Variants in DPF3 observed in about 807,000 individuals in gnomAD.
DPF3 encodes the protein zinc finger protein DPF3.
A neutral mutation model predicts 56.8 loss-of-function variants in DPF3; 18 were observed. The observed-to-expected ratio is 0.32, with a 90% confidence interval of 0.22 to 0.47. The LOEUF (loss-of-function observed/expected upper bound fraction) is 0.47. DPF3 is among the 20% of genes least tolerant of loss of function. The probability of loss-of-function intolerance (pLI) is 1.00; values close to 1 mark genes in which losing one functional copy is unlikely to be tolerated. For missense variants in DPF3, 403 were observed against 488.8 expected (o/e 0.82, Z 1.65); for synonymous variants, 188 against 180.2 (o/e 1.04, Z -0.35).
At chr14:72,861,783 G>GAAAGAAAGAAAGAA (rs1885440318) in intron 1 of DPF3, among the ~76,000 whole-genome samples, 5 of 149,634 alleles carry the variant, frequency 3.3e-5, no homozygotes, top group African/African-American at 1.0e-4. Flanking sequence ...AAGAAAGAAA[G>GAAAGAAAGAAAGAA]AAAGAAAGAA....
intron 3 of DPF3, among the ~76,000 whole-genome samples, chr14:72,740,540 T>C (rs1388469307): frequency 6.6e-6 from 1 of 152,172 alleles, no homozygotes; most frequent in African/African-American, 2.4e-5. Context: ...AGCAGGGGGC[T>C]TCCCCACCAG....
At chr14:72,723,804 G>A in intron 4 of DPF3, 76 bp from the exon 5 acceptor site, 1 of 1,385,062 alleles carries the variant, frequency 7.2e-7, no homozygotes, top group Non-Finnish European at 9.9e-7. Context: ...TAATTTTAAG[G>A]GTGTTCTGAT....
intron 8 of DPF3, among the ~76,000 whole-genome samples, chr14:72,667,172 ATTGGATTACTGTC>A (rs1886476762): frequency 6.6e-6 from 1 of 152,108 alleles, no homozygotes; most frequent in Non-Finnish European, 1.5e-5. Context: ...CCGGTAGCAA[ATTGGATTACTGTC>A]TTTATAGTAC....
At chr14:72,718,151 A>G (rs1015065768) in intron 5 of DPF3, among the ~76,000 whole-genome samples, 3 of 139,248 alleles carry the variant, frequency 2.2e-5, no homozygotes, top group African/African-American at 7.5e-5. Context: ...GAGGCCAGAA[A>G]CCACCTGGGT....
intron 1 of DPF3, among the ~76,000 whole-genome samples, chr14:72,835,399 G>C (rs138812498): frequency 6.6e-6 from 1 of 152,128 alleles, no homozygotes; most frequent in Non-Finnish European, 1.5e-5. Context: ...AAAATGTTCC[G>C]GCATCAGATG....
rs551943237 is a variant in DPF3, at chr14:72,820,811, A to G, written c.33-48918T>C. On this transcript the variant is annotated intron_variant, in intron 1 of 10. Transcript: ENST00000556509. ...GGAGTTCGAGACCAGCCTGGGCAAC[A>G]TGATGAAACTCCATCTCTACAAAAA... is the stretch of plus-strand genomic sequence containing the variant. Among the ~76,000 whole-genome samples the G allele has an allele frequency of 2.3e-3, 344 of 152,238 alleles. 3 individuals carry two copies. Among genetic ancestry groups the G allele is most frequent in the African/African-American group, 7.9e-3 (329 of 41,530 alleles).
intron 8 of DPF3, chr14:72,662,891 T>C: frequency 1.1e-6 from 1 of 925,430 alleles, no homozygotes; most frequent in Non-Finnish European, 1.3e-6. Flanking sequence ...GAACAACTAC[T>C]TAAAAAAGAA....
At chr14:72,627,429 G>C (rs1884898483) in intron 9 of DPF3, among the ~76,000 whole-genome samples, 1 of 152,036 alleles carries the variant, frequency 6.6e-6, no homozygotes, top group African/African-American at 2.4e-5. Flanking sequence ...AGTAATTTTA[G>C]ATGTGACCCT....
intron 7 of DPF3, among the ~76,000 whole-genome samples, chr14:72,680,193 TG>T (rs1256578031): frequency 6.6e-6 from 1 of 152,196 alleles, no homozygotes; most frequent in African/African-American, 2.4e-5. Context: ...TTAATTCTCA[TG>T]CTCCCACTCG....
chr14:72,661,396 G>A, intron 8 of DPF3: 2 of 985,404 alleles, frequency 2.0e-6, no homozygotes, highest in South Asian at 4.7e-5. Context: ...CAGTAACACT[G>A]TGACTCAAGG....
intron 1 of DPF3, chr14:72,892,653 C>A: frequency 8.3e-6 from 9 of 1,083,146 alleles, no homozygotes; most frequent in Non-Finnish European, 1.0e-5. Context: ...CGAGAATGCG[C>A]TGAATTAAAA....
intron 1 of DPF3, among the ~76,000 whole-genome samples, chr14:72,824,718 C>T (rs1006264732): frequency 6.6e-6 from 1 of 151,898 alleles, no homozygotes; most frequent in East Asian, 1.9e-4. Flanking sequence ...ATTACAGGCA[C>T]CTGCCATCAC....
intron 1 of DPF3, among the ~76,000 whole-genome samples, chr14:72,893,623 G>T (rs113025295): frequency 1.3e-5 from 2 of 151,580 alleles, no homozygotes. Context: ...CGGGGGCGCG[G>T]GGCTCGGCCA....
chr14:72,863,144 ATATGTGTGTGTG>A (rs1692837963), intron 1 of DPF3, among the ~76,000 whole-genome samples: 1 of 101,956 alleles, frequency 9.8e-6, no homozygotes. Flanking sequence ...GTGTATATAT[ATATGTGTGTGTG>A]TGTGTGTGTG....
chr14:72,663,836 G>A (rs1886330577), intron 8 of DPF3, among the ~76,000 whole-genome samples: 1 of 151,982 alleles, frequency 6.6e-6, no homozygotes, highest in Admixed American at 6.5e-5. Flanking sequence ...CTTCCAAGTT[G>A]AAAGGCCCCT....
intron 7 of DPF3, among the ~76,000 whole-genome samples, chr14:72,686,206 G>A (rs938693607): frequency 2.0e-5 from 3 of 152,218 alleles, no homozygotes; most frequent in Admixed American, 6.5e-5. Context: ...CACCCCACAG[G>A]CAGTTAGCTT....
At chr14:72,817,034 C>T (rs1468662) in intron 1 of DPF3, among the ~76,000 whole-genome samples, 144,357 of 152,248 alleles carry the variant, frequency 0.95, 68,537 homozygotes, top group South Asian at 0.99. Context: ...CTCATCCCTC[C>T]GGTCTCTCCT....
rs750004285 is a variant in DPF3 at position 72,771,853 on chromosome 14, G to A, written c.73C>T (p.Arg25Trp). The A allele has an allele frequency of 4.3e-6, 7 of 1,610,068 alleles. No individual in the cohort carries two copies. Among genetic ancestry groups the A allele is most frequent in the Non-Finnish European group, 3.4e-6 (4 of 1,177,974 alleles). ...GCACACAGCCGTGAGTTGTAACTCC[G>A]GCAGTGCTCAATGGCTTCCTTGTAG... ...QFYKEAIEHC[R>W]SYNSRLCAER... The change falls in exon 2 of 11, where the codon CGG (arginine) becomes TGG (tryptophan). Residue 25 changes from arginine to tryptophan, a missense_variant. Physicochemically the swap from Arg to Trp is moderately radical, Grantham distance 101 (BLOSUM62 -3). Transcript: ENST00000556509.
chr14:72,812,412 C>T (rs1019362647), intron 1 of DPF3, among the ~76,000 whole-genome samples: 1 of 152,116 alleles, frequency 6.6e-6, no homozygotes, highest in African/African-American at 2.4e-5. Context: ...ATGTGCTAAG[C>T]GTTTTCTGGC....
Sources: allele counts gnomAD v4.1 joint callset (sites outside exome capture counted in the v4.1 genomes callset), GRCh38; gene constraint gnomAD v4.1.1; transcripts MANE v1.5; gene names NCBI Gene and HGNC (gene_info 2026-07-23, HGNC 2026-07-21).